The following ACTR3C variants were observed in gnomAD, a reference collection of about 807,000 sequenced individuals.
The protein encoded by ACTR3C is actin related protein 3C.
A neutral mutation model predicts 26.3 loss-of-function variants in ACTR3C; 18 were observed. That is an observed-to-expected ratio of 0.68 (90% CI 0.47 to 1.01). The LOEUF is 1.01. Among genes scored for constraint, ACTR3C ranks in the 50% least tolerant of loss-of-function variants. The pLI is 0.00. For synonymous variants in ACTR3C, 55 were observed against 94.5 expected (o/e 0.58, Z 2.42); for missense variants, 184 against 250.7 (o/e 0.73, Z 1.80).
the ACTR3C span, among the ~76,000 whole-genome samples, chr7:150,035,866 A>C: frequency 3.0e-5 from 4 of 132,894 alleles, no homozygotes; most frequent in Middle Eastern, 4.2e-3. Context: ...TGGGGGTACC[A>C]ACAGCCAGGG....
the ACTR3C span, among the ~76,000 whole-genome samples, chr7:149,910,126 C>T: frequency 3.3e-5 from 5 of 149,772 alleles, no homozygotes; most frequent in Admixed American, 3.3e-4. Context: ...AAAGAACTCC[C>T]ATCTACATAT....
At chr7:150,184,006 C>T in the ACTR3C span, among the ~76,000 whole-genome samples, 4 of 150,664 alleles carry the variant, frequency 2.7e-5, no homozygotes, top group Non-Finnish European at 5.9e-5. Flanking sequence ...TTGTAAGTTT[C>T]CTGGGACCTC....
chr7:149,959,703 C>T, the ACTR3C span, among the ~76,000 whole-genome samples: 10,781 of 152,190 alleles, frequency 0.071, 1,124 homozygotes, highest in African/African-American at 0.23. Context: ...AAAAGAAGTC[C>T]TAAGAAACAT....
chr7:150,114,479 TA>T, the ACTR3C span, among the ~76,000 whole-genome samples: 1 of 151,428 alleles, frequency 6.6e-6, no homozygotes, highest in Non-Finnish European at 1.5e-5. Flanking sequence ...AAGAAGCCAT[TA>T]AAAAAAATAG....
chr7:150,285,520 T>C (rs1423798017), intron 5 of ACTR3C, among the ~76,000 whole-genome samples: 1 of 152,242 alleles, frequency 6.6e-6, no homozygotes, highest in African/African-American at 2.4e-5. Context: ...TCACCAGCTG[T>C]TCACTGGACA....
At chr7:149,905,863 G>T in the ACTR3C span, among the ~76,000 whole-genome samples, 2 of 152,070 alleles carry the variant, frequency 1.3e-5, no homozygotes, top group Non-Finnish European at 2.9e-5. Flanking sequence ...CCTCCTGGAG[G>T]AGTAACGTGG....
chr7:150,098,054 A>G, the ACTR3C span, among the ~76,000 whole-genome samples: 4 of 151,334 alleles, frequency 2.6e-5, no homozygotes, highest in Non-Finnish European at 5.9e-5. Flanking sequence ...TTGTGATCCA[A>G]CTCTATCCAT....
chr7:150,042,338 G>C, the ACTR3C span, among the ~76,000 whole-genome samples: 75 of 116,774 alleles, frequency 6.4e-4, no homozygotes, highest in Admixed American at 1.0e-3. Flanking sequence ...TCCCTGCCTC[G>C]CGGGGGGTGC....
At chr7:150,200,334 A>T in the ACTR3C span, among the ~76,000 whole-genome samples, 1 of 152,234 alleles carries the variant, frequency 6.6e-6, no homozygotes, top group African/African-American at 2.4e-5. Flanking sequence ...AACCATCAAA[A>T]GTGACCATTA....
chr7:150,208,503 A>G, the ACTR3C span, among the ~76,000 whole-genome samples: 5 of 152,112 alleles, frequency 3.3e-5, no homozygotes, highest in Non-Finnish European at 7.4e-5. Context: ...TGGACATTTC[A>G]TAGAATACGC....
chr7:150,202,450 ATAT>A, the ACTR3C span, among the ~76,000 whole-genome samples: 1 of 152,124 alleles, frequency 6.6e-6, no homozygotes, highest in Non-Finnish European at 1.5e-5. Context: ...GCATGTGTGA[ATAT>A]TATTGAATTT....
chr7:150,004,397 T>C, the ACTR3C span: 1 of 152,108 alleles, frequency 6.6e-6, no homozygotes. Flanking sequence ...GACGGCTCCA[T>C]ATTTTCGTAG....
At chr7:150,044,429 G>A in the ACTR3C span, among the ~76,000 whole-genome samples, 2 of 151,998 alleles carry the variant, frequency 1.3e-5, no homozygotes, top group African/African-American at 2.4e-5. Context: ...ACAAGGAAGT[G>A]GATAGAGAAG....
At chr7:150,215,505 G>A in the ACTR3C span, among the ~76,000 whole-genome samples, 10,333 of 152,180 alleles carry the variant, frequency 0.068, 1,135 homozygotes, top group African/African-American at 0.24. Context: ...AAGGGATTTC[G>A]CTAGTTGAGT....
At chr7:150,206,991 A>C in the ACTR3C span, among the ~76,000 whole-genome samples, 12 of 152,334 alleles carry the variant, frequency 7.9e-5, no homozygotes, top group Admixed American at 7.8e-4. Context: ...GGGAATTAGA[A>C]TCTATTCTCT....
chr7:150,181,972 A>C, the ACTR3C span, among the ~76,000 whole-genome samples: 1 of 150,662 alleles, frequency 6.6e-6, no homozygotes, highest in Non-Finnish European at 1.5e-5. Context: ...CGATAGACAA[A>C]ATAACATGCT....
intron 3 of ACTR3C, among the ~76,000 whole-genome samples, chr7:150,291,223 C>G (rs71537949): frequency 0.18 from 27,731 of 151,866 alleles, 3,422 homozygotes; most frequent in African/African-American, 0.34. Context: ...CTGAAGTCGG[C>G]AGTTCGAGAC....
At chr7:150,283,811 C>T (rs1287109189) in intron 6 of ACTR3C, among the ~76,000 whole-genome samples, 1 of 150,594 alleles carries the variant, frequency 6.6e-6, no homozygotes, top group South Asian at 2.1e-4. Flanking sequence ...CTGAGTAAGG[C>T]GAGTGAGTCA....
the ACTR3C span, among the ~76,000 whole-genome samples, chr7:150,042,225 T>C: frequency 1.3e-3 from 12 of 9,524 alleles, 3 homozygotes; most frequent in Admixed American, 9.1e-3. Flanking sequence ...CAGCCGGGGG[T>C]GGAAGAGGGG....
Sources: gnomAD v4.1 joint callset for allele counts (sites outside exome capture counted in the v4.1 genomes callset) on GRCh38, gnomAD v4.1.1 for gene constraint, MANE v1.5 for transcripts, NCBI Gene and HGNC (gene_info 2026-07-23, HGNC 2026-07-21) for gene names.